KAZN: variants seen among roughly 807,000 people sequenced by gnomAD.
KAZN encodes the protein kazrin.
KAZN carries 40 observed loss-of-function variants against 87.4 expected under a neutral mutation model. The ratio of observed to expected loss-of-function variants is 0.46; its 90% CI spans 0.36 to 0.60. The LOEUF (loss-of-function observed/expected upper bound fraction) is 0.60, where lower values mean the gene tolerates loss of function less well. Ranked by LOEUF, KAZN falls within the 20% of genes least tolerant of loss-of-function variation. The probability of loss-of-function intolerance (pLI) is 0.00; values close to 1 mark genes in which losing one functional copy is unlikely to be tolerated. For missense variants in KAZN, 898 were observed against 1,073.9 expected, an observed-to-expected ratio of 0.84 and a Z score of 2.29; for synonymous variants, 466 against 458.3, an observed-to-expected ratio of 1.02 and a Z score of -0.22.
chr1:15,063,417 T>A lies in KAZN; in HGVS notation c.1048-155T>A, dbSNP rs150455986. 4.5e-3 allele frequency: 3,037 copies of A among 673,960 alleles called. 61 individuals carry two copies. Among genetic ancestry groups the A allele is most frequent in the South Asian group, 0.034 (2,030 of 60,272 alleles). The allele number at this position is 673,960 out of a possible 1,614,324, so 41.7% of individuals were successfully genotyped here. A position where few individuals can be genotyped will look rare whatever the true frequency, so the allele number is the denominator to read the frequency against. ...AATAAGCCATCTGGGGGTATCTGCTTCAGGAGATGGGGGGTGGGCTCCCCA... is the reference window on the plus strand; with the variant it reads ...AATAAGCCATCTGGGGGTATCTGCTACAGGAGATGGGGGGTGGGCTCCCCA... On this transcript the variant is annotated intron_variant, in intron 6 of 14. Coordinates refer to ENST00000376030, the MANE Select transcript of KAZN (RefSeq NM_201628.3).
chr1:13,942,571 AATGTATATAT>A (rs1557735825), intron 1 of KAZN, among the ~76,000 whole-genome samples: 22 of 104,280 alleles, frequency 2.1e-4, no homozygotes, highest in African/African-American at 3.6e-4. Context: ...AAAAAAAAAA[AATGTATATAT>A]ATAATTCACC....
At chr1:15,000,129 G>A (rs1176598110) in intron 2 of KAZN, among the ~76,000 whole-genome samples, 1 of 152,154 alleles carries the variant, frequency 6.6e-6, no homozygotes, top group East Asian at 1.9e-4. Context: ...TGGCAGATCA[G>A]AGAGAGGGAA....
intron 2 of KAZN, among the ~76,000 whole-genome samples, chr1:14,484,053 A>T (rs1433075372): frequency 6.6e-6 from 1 of 152,160 alleles, no homozygotes; most frequent in East Asian, 1.9e-4. Flanking sequence ...TGGCATCTTT[A>T]TTGAAAATTG....
chr1:14,285,067 G>A (rs1209321391), intron 2 of KAZN, among the ~76,000 whole-genome samples: 1 of 152,174 alleles, frequency 6.6e-6, no homozygotes, highest in Non-Finnish European at 1.5e-5. Flanking sequence ...CATGTGGTCT[G>A]GAGACACAGG....
At chr1:14,386,249 G>T (rs1480076832) in intron 2 of KAZN, among the ~76,000 whole-genome samples, 1 of 146,696 alleles carries the variant, frequency 6.8e-6, no homozygotes, top group Non-Finnish European at 1.5e-5. Context: ...CACACTGATG[G>T]GTCTTGACTC....
chr1:13,935,000 G>T (rs1350361004), intron 1 of KAZN, among the ~76,000 whole-genome samples: 2 of 152,100 alleles, frequency 1.3e-5, no homozygotes, highest in Non-Finnish European at 2.9e-5. Context: ...ACCTTGAGAG[G>T]TCGAGGCAGG....
Position 14,949,529 on chromosome 1 carries a change from C to A in KAZN, c.227-11155C>A, listed in dbSNP as rs1025709797. 3.9e-5 allele frequency among the ~76,000 whole-genome samples: 6 copies of A among 152,180 alleles called. No individual in the cohort carries two copies. The highest frequency in any genetic ancestry group is 5.9e-5 in the Non-Finnish European group (4 of 68,042). On this transcript the variant is annotated intron_variant, in intron 1 of 14. Coordinates refer to ENST00000376030, the MANE Select transcript of KAZN (RefSeq NM_201628.3). The surrounding 1 kb of genome is among the most constrained non-coding windows in gnomAD (Gnocchi z 4.3). ...TGGTGGCAGGCAGGTGCCTGCCTCT[C>A]CCACCCCCACCCAGATGGTGTTTTT... is the stretch of plus-strand genomic sequence containing the variant.
chr1:15,110,483 GTGTGTGTA>G (rs1236682190), intron 13 of KAZN, among the ~76,000 whole-genome samples: 2 of 45,892 alleles, frequency 4.4e-5, no homozygotes, highest in African/African-American at 7.9e-5. Flanking sequence ...TTGTGTATTT[GTGTGTGTA>G]TGTATGTGTG....
chr1:14,114,323 T>A (rs967838747), intron 1 of KAZN, among the ~76,000 whole-genome samples: 1 of 152,084 alleles, frequency 6.6e-6, no homozygotes, highest in African/African-American at 2.4e-5. Flanking sequence ...GAGGCAGGAC[T>A]TTGATGCTCC....
rs780410306 is a variant in KAZN, at chr1:15,065,027, C to CTTTTTT, written c.1099-586_1099-581dup. On this transcript the variant is annotated intron_variant, in intron 7 of 14. Transcript: ENST00000376030. ...CACCGTCCTTGGGGTCTTTTTCTTT[C>CTTTTTT]TTTTTTTTTTTTTTTTTTTTTTGAG... Among the ~76,000 whole-genome samples, 270 of 102,704 alleles carry CTTTTTT rather than the reference C, an allele frequency of 2.6e-3. 4 individuals carry two copies. Among genetic ancestry groups the CTTTTTT allele is most frequent in the Non-Finnish European group, 3.3e-3 (178 of 54,644 alleles). 67.4% of individuals were successfully genotyped at this position (102,704 alleles called of 152,430 possible).
chr1:14,488,634 A>G (rs1008539563), intron 2 of KAZN, among the ~76,000 whole-genome samples: 13 of 152,328 alleles, frequency 8.5e-5, no homozygotes, highest in African/African-American at 2.2e-4. Flanking sequence ...GTCTTCAATC[A>G]CAGGCTGCTT....
At chr1:13,919,330 C>T (rs924010648) in intron 1 of KAZN, among the ~76,000 whole-genome samples, 1 of 152,216 alleles carries the variant, frequency 6.6e-6, no homozygotes, top group African/African-American at 2.4e-5. Context: ...TTCTGTCTGG[C>T]TCCTTTTGCT....
intron 2 of KAZN, among the ~76,000 whole-genome samples, chr1:14,577,091 A>C (rs1293235670): frequency 6.6e-6 from 1 of 152,252 alleles, no homozygotes; most frequent in Non-Finnish European, 1.5e-5. Context: ...GTAATGGATG[A>C]GAACACTTTT....
At chr1:14,137,762 G>A (rs987672861) in intron 1 of KAZN, among the ~76,000 whole-genome samples, 1 of 138,872 alleles carries the variant, frequency 7.2e-6, no homozygotes, top group Non-Finnish European at 1.5e-5. Context: ...AGGCTGGAGT[G>A]CAATGGGGCG....
At chr1:14,507,344 A>G (rs990579564) in intron 2 of KAZN, among the ~76,000 whole-genome samples, 1 of 152,174 alleles carries the variant, frequency 6.6e-6, no homozygotes, top group African/African-American at 2.4e-5. Flanking sequence ...CCCTATCACA[A>G]TCGTCCATCT....
chr1:14,989,886 G>A (rs575159175), intron 2 of KAZN, among the ~76,000 whole-genome samples: 1 of 152,206 alleles, frequency 6.6e-6, no homozygotes, highest in Non-Finnish European at 1.5e-5. Flanking sequence ...AGCAAGTGGT[G>A]CTGGCTGCAG....
chr1:14,028,625 C>T (rs958503380), intron 1 of KAZN, among the ~76,000 whole-genome samples: 7 of 152,214 alleles, frequency 4.6e-5, no homozygotes, highest in Non-Finnish European at 7.3e-5. Context: ...ATCATTTCTG[C>T]TCTTCATTTA....
At chr1:13,998,908 T>A (rs565466847) in intron 1 of KAZN, among the ~76,000 whole-genome samples, 1 of 147,436 alleles carries the variant, frequency 6.8e-6, no homozygotes, top group Non-Finnish European at 1.5e-5. Context: ...ATCAACCGAA[T>A]ATACATTCTT....
intron 1 of KAZN, among the ~76,000 whole-genome samples, chr1:14,803,660 C>T (rs1449462784): frequency 6.6e-6 from 1 of 152,262 alleles, no homozygotes; most frequent in African/African-American, 2.4e-5. Flanking sequence ...CAAAATCCCT[C>T]TTCCTCTGGG....
Sources: gnomAD v4.1 joint callset for allele counts (sites outside exome capture counted in the v4.1 genomes callset) on GRCh38, gnomAD v4.1.1 for gene constraint, Gnocchi (gnomAD v3.1) non-coding constraint, MANE v1.5 for transcripts, NCBI Gene and HGNC (gene_info 2026-07-23, HGNC 2026-07-21) for gene names.